The following MPZL1 variants were observed in gnomAD, a reference collection of about 807,000 sequenced individuals.
The protein encoded by MPZL1 is myelin protein zero like 1, also known as myelin protein zero-like protein 1.
Under a neutral mutation model 29.3 loss-of-function variants are expected in MPZL1, and 16 were observed. That is an observed-to-expected ratio of 0.55 (90% CI 0.37 to 0.83). MPZL1 has a LOEUF of 0.83. Among genes scored for constraint, MPZL1 ranks in the 40% least tolerant of loss-of-function variants. The pLI, the probability that MPZL1 is intolerant of heterozygous loss-of-function variation, is 0.00. For synonymous variants in MPZL1, 143 were observed against 132.0 expected, an observed-to-expected ratio of 1.08 and a Z score of -0.57; for missense variants, 279 against 332.9, an observed-to-expected ratio of 0.84 and a Z score of 1.26.
chr1:167,722,392 C>T, intron 1 of MPZL1, 150 bp downstream of exon 1: 1 of 1,208,458 alleles, frequency 8.3e-7, no homozygotes, highest in African/African-American at 1.6e-5. Flanking sequence ...CGAGGGGACC[C>T]AGCCCATGGG....
intron 1 of MPZL1, among the ~76,000 whole-genome samples, chr1:167,722,511 CG>C (rs374556459): frequency 2.4e-3 from 358 of 152,098 alleles, no homozygotes; most frequent in African/African-American, 8.5e-3. Flanking sequence ...TGCTCCTTCC[CG>C]GGGGGCGGTC....
At chr1:167,734,782 G>T (rs1448718503) in intron 1 of MPZL1, among the ~76,000 whole-genome samples, 1 of 152,184 alleles carries the variant, frequency 6.6e-6, no homozygotes, top group Non-Finnish European at 1.5e-5. Flanking sequence ...CTCAGGCACA[G>T]CAGGTTTAAT....
intron 1 of MPZL1, among the ~76,000 whole-genome samples, chr1:167,735,789 C>G (rs183118148): frequency 1.3e-5 from 2 of 152,272 alleles, no homozygotes; most frequent in Non-Finnish European, 2.9e-5. Context: ...GGAGGGTAAT[C>G]TGCTTTACTC....
chr1:167,787,791 C>T (rs1661619178), intron 5 of MPZL1, 29 bp from the exon 6 acceptor site: 2 of 1,549,554 alleles, frequency 1.3e-6, no homozygotes, highest in South Asian at 2.2e-5. Context: ...CGTTTTCAGT[C>T]CTCTAATCCT....
Position 167,745,143 on chromosome 1 carries a change from T to C in MPZL1, c.92-20440T>C, listed in dbSNP as rs116075089. 2.6e-3 allele frequency among the ~76,000 whole-genome samples: 394 copies of C among 152,240 alleles called. 2 individuals are homozygous for C. Among genetic ancestry groups the C allele is most frequent in the African/African-American group, 9.1e-3 (377 of 41,582 alleles). ...GCTGAGTCTGGAGTGAAGGTCCTTATATGCCCCTTCAGCCAGGTCTTGGTT... is the reference window on the plus strand; with the variant it reads ...GCTGAGTCTGGAGTGAAGGTCCTTACATGCCCCTTCAGCCAGGTCTTGGTT... On this transcript the variant is annotated intron_variant, in intron 1 of 5. Coordinates refer to ENST00000359523, the MANE Select transcript of MPZL1 (RefSeq NM_003953.6).
At chr1:167,748,606 A>C (rs1660695767) in intron 1 of MPZL1, among the ~76,000 whole-genome samples, 1 of 152,088 alleles carries the variant, frequency 6.6e-6, no homozygotes, top group South Asian at 2.1e-4. Context: ...TTAAAGCAAA[A>C]AATTTTAAAT....
In MPZL1 at chr1:167,773,224, C is replaced by A; in HGVS notation, c.473-12C>A. The A allele has an allele frequency of 1.2e-6, 2 of 1,608,518 alleles. No individual in the cohort carries two copies. The highest frequency in any genetic ancestry group is 1.1e-5 in the South Asian group (1 of 90,218). On this transcript the variant is annotated splice_polypyrimidine_tract_variant and intron_variant, in intron 3 of 5. Coordinates refer to ENST00000359523, the MANE Select transcript of MPZL1 (RefSeq NM_003953.6). ...CAATGTACCTTAAAACTATTTTGTT[C>A]TTTCTCTCTAGAGAATTTGCCTGTG...
At chr1:167,726,446 C>T (rs12079472) in intron 1 of MPZL1, among the ~76,000 whole-genome samples, 7,881 of 152,198 alleles carry the variant, frequency 0.052, 672 homozygotes, top group African/African-American at 0.18. Context: ...GTGCTTAACA[C>T]AGTGGATATG....
chr1:167,759,674 G>A (rs758368779), intron 1 of MPZL1, among the ~76,000 whole-genome samples: 5 of 149,830 alleles, frequency 3.3e-5, no homozygotes, highest in South Asian at 2.1e-4. Context: ...GAAATTTCTC[G>A]CTGCAATCAA....
At chr1:167,764,148 A>G (rs1272984285) in intron 1 of MPZL1, among the ~76,000 whole-genome samples, 3 of 152,200 alleles carry the variant, frequency 2.0e-5, no homozygotes, top group Non-Finnish European at 4.4e-5. Context: ...AATATGGAAG[A>G]TGGGTATTTT....
At chr1:167,783,544 C>T (rs10489197) in intron 5 of MPZL1, among the ~76,000 whole-genome samples, 114,039 of 152,096 alleles carry the variant, frequency 0.75, 43,289 homozygotes, top group African/African-American at 0.86. Flanking sequence ...ATAGCATAGA[C>T]AGGGTAATGT....
intron 1 of MPZL1, among the ~76,000 whole-genome samples, chr1:167,723,288 C>G (rs182885999): frequency 1.3e-5 from 2 of 152,284 alleles, no homozygotes; most frequent in Non-Finnish European, 2.9e-5. Context: ...TAATTTCTTT[C>G]TTCATGGAAA....
At chr1:167,761,247 T>G (rs979681878) in intron 1 of MPZL1, among the ~76,000 whole-genome samples, 3 of 151,996 alleles carry the variant, frequency 2.0e-5, no homozygotes, top group African/African-American at 4.8e-5. Flanking sequence ...AGGGTCAAGG[T>G]TTTTTTTCTC....
At chr1:167,727,907 C>T (rs1361098255) in intron 1 of MPZL1, among the ~76,000 whole-genome samples, 23 of 122,070 alleles carry the variant, frequency 1.9e-4, no homozygotes, top group Non-Finnish European at 3.0e-4. Flanking sequence ...CTCGTTTTGT[C>T]GCCCAGGCTG....
chr1:167,772,039 C>G (rs1459991624), intron 2 of MPZL1, among the ~76,000 whole-genome samples: 1 of 152,132 alleles, frequency 6.6e-6, no homozygotes, highest in Non-Finnish European at 1.5e-5. Context: ...AGGAGAATCA[C>G]AGGAGCCCGA....
At chr1:167,722,304 C>T in intron 1 of MPZL1, 62 bp downstream of exon 1, 8 of 1,231,702 alleles carry the variant, frequency 6.5e-6, no homozygotes, top group Non-Finnish European at 8.1e-6. Context: ...CGACACACGC[C>T]CATCGCGGCG....
chr1:167,787,808 TC>T lies in MPZL1; in HGVS notation c.709-9del. On this transcript the variant is annotated splice_polypyrimidine_tract_variant and intron_variant, in intron 5 of 5. Transcript: ENST00000359523. ...TTTTCAGTCCTCTAATCCTTCTGCT[TC>T]CCTTTTCCAGGGCCCAGTCATATAT... The T allele has an allele frequency of 6.3e-7, 1 of 1,597,268 alleles. No individual in the cohort carries two copies. Among genetic ancestry groups the T allele is most frequent in the East Asian group, 2.2e-5 (1 of 44,794 alleles).
chr1:167,735,811 A>G (rs1418039383), intron 1 of MPZL1, among the ~76,000 whole-genome samples: 2 of 152,200 alleles, frequency 1.3e-5, no homozygotes, highest in African/African-American at 4.8e-5. Context: ...GAGTCCCCCA[A>G]TTGTAATATT....
chr1:167,757,694 A>G (rs749080533), intron 1 of MPZL1, among the ~76,000 whole-genome samples: 2 of 152,242 alleles, frequency 1.3e-5, no homozygotes, highest in African/African-American at 2.4e-5. Flanking sequence ...CTGTGTACCA[A>G]CAAAGAACAA....
Sources: gnomAD v4.1 joint callset for allele counts (sites outside exome capture counted in the v4.1 genomes callset) on GRCh38, gnomAD v4.1.1 for gene constraint, MANE v1.5 for transcripts, NCBI Gene and HGNC (gene_info 2026-07-23, HGNC 2026-07-21) for gene names.